PKN2: variants seen among roughly 807,000 people sequenced by gnomAD.
The protein encoded by PKN2 is protein kinase N2.
A neutral mutation model predicts 119.1 loss-of-function variants in PKN2; 38 were observed. The ratio of observed to expected loss-of-function variants is 0.32; its 90% CI spans 0.25 to 0.42. PKN2 has a LOEUF of 0.42. Among genes scored for constraint, PKN2 ranks in the 10% least tolerant of loss-of-function variants. The pLI is 1.00. For synonymous variants in PKN2, 390 were observed against 384.9 expected (o/e 1.01, Z -0.15); for missense variants, 850 against 1,165.1 (o/e 0.73, Z 3.94).
intron 2 of PKN2, among the ~76,000 whole-genome samples, chr1:88,750,679 A>T (rs568499684): frequency 1.3e-5 from 2 of 151,656 alleles, no homozygotes; most frequent in African/African-American, 4.8e-5. Context: ...CTAAAATTGA[A>T]CTCTTCTTTT....
chr1:88,707,105 TA>T (rs1302263669), intron 1 of PKN2, among the ~76,000 whole-genome samples: 8 of 152,048 alleles, frequency 5.3e-5, no homozygotes, highest in Non-Finnish European at 1.2e-4. Context: ...CTTTTTTTTT[TA>T]ATTAGGAAAT....
chr1:88,786,283 A>C (rs1407668399), intron 8 of PKN2, 70 bp downstream of exon 8: 4 of 757,150 alleles, frequency 5.3e-6, no homozygotes, highest in Non-Finnish European at 8.7e-6. Flanking sequence ...ATTTTTTAGA[A>C]GGCTTCAACA....
At chr1:88,800,389 A>G (rs1671256769) in intron 8 of PKN2, among the ~76,000 whole-genome samples, 1 of 152,210 alleles carries the variant, frequency 6.6e-6, no homozygotes, top group South Asian at 2.1e-4. Context: ...GTTGTACACT[A>G]TATAACTTCC....
chr1:88,834,152 C>T lies in PKN2; in HGVS notation c.*704C>T, dbSNP rs950723758. The stretch of plus-strand genomic sequence containing the variant: ...GTTTATTAAACAGTGCTGAAACAAA[C>T]AGGATCAGCATTTACTTAAGATGTT... On this transcript the variant is annotated 3_prime_UTR_variant, in exon 22 of 22. Transcript: ENST00000370521. 20 of 151,928 alleles carry T rather than the reference C, an allele frequency of 1.3e-4. No homozygotes were observed. Among genetic ancestry groups the T allele is most frequent in the African/African-American group, 4.8e-4 (20 of 41,406 alleles). The allele number at this position is 151,928 out of a possible 1,614,324, so 9.4% of individuals were successfully genotyped here. A position where few individuals can be genotyped will look rare whatever the true frequency, so the allele number is the denominator to read the frequency against.
At chr1:88,826,553 T>C (rs1672508393) in intron 18 of PKN2, among the ~76,000 whole-genome samples, 1 of 152,134 alleles carries the variant, frequency 6.6e-6, no homozygotes, top group Non-Finnish European at 1.5e-5. Flanking sequence ...ATTGTACCTA[T>C]TAAGTAATTT....
Position 88,832,756 on chromosome 1 carries a change from G to C in PKN2, c.2575G>C (p.Gly859Arg). ...GTATTTCTTCTAGTCTCCCTTTCCTGGTGATGATGAAGAGGAAGTTTTTGA... is the reference window on the plus strand; with the variant it reads ...GTATTTCTTCTAGTCTCCCTTTCCTCGTGATGATGAAGAGGAAGTTTTTGA... ...EMLVGESPFP[G>R]DDEEEVFDSI... The change falls in exon 20 of 22, where the codon GGT becomes CGT. Residue 859 changes from glycine to arginine, a missense_variant. Gly to Arg is a moderately radical substitution (Grantham distance 125). Transcript: ENST00000370521. The C allele has an allele frequency of 6.3e-7, 1 of 1,590,068 alleles. No homozygotes were observed. The highest frequency in any genetic ancestry group is 8.6e-7 in the Non-Finnish European group (1 of 1,163,510).
At chr1:88,788,744 C>T (rs1469217931) in intron 8 of PKN2, among the ~76,000 whole-genome samples, 1 of 152,072 alleles carries the variant, frequency 6.6e-6, no homozygotes, top group African/African-American at 2.4e-5. Context: ...CGTGCCTGGC[C>T]TAATCCAGGA....
At chr1:88,740,940 A>T in intron 1 of PKN2, 48 bp from the exon 2 acceptor site, 1 of 1,258,268 alleles carries the variant, frequency 7.9e-7, no homozygotes, top group Non-Finnish European at 1.1e-6. Context: ...TTTACTGAGC[A>T]GCCAACTCTC....
At chr1:88,720,143 C>T (rs2100703224) in intron 1 of PKN2, among the ~76,000 whole-genome samples, 1 of 152,204 alleles carries the variant, frequency 6.6e-6, no homozygotes, top group South Asian at 2.1e-4. Flanking sequence ...AGCTGATCCT[C>T]TCACCTCAGC....
intron 8 of PKN2, among the ~76,000 whole-genome samples, chr1:88,797,636 C>CAAAA (rs1162541843): frequency 4.1e-4 from 34 of 82,848 alleles, no homozygotes; most frequent in Non-Finnish European, 8.2e-4. Context: ...GACTCCGTCT[C>CAAAA]AAAAAAAAAA....
chr1:88,763,954 T>C (rs1669554172), intron 3 of PKN2, among the ~76,000 whole-genome samples: 1 of 152,218 alleles, frequency 6.6e-6, no homozygotes, highest in South Asian at 2.1e-4. Flanking sequence ...CCAACAGAAC[T>C]CTGCTTATTG....
intron 3 of PKN2, among the ~76,000 whole-genome samples, chr1:88,766,651 T>A (rs1401623783): frequency 6.6e-6 from 1 of 152,182 alleles, no homozygotes. Context: ...TAGTTCTACC[T>A]AAGGTATGTA....
chr1:88,760,777 G>GT lies in PKN2; in HGVS notation c.504+403dup, dbSNP rs371536193. On this transcript the variant is annotated intron_variant, in intron 3 of 21. Transcript: ENST00000370521. ...AGAATTTGGAAACATGTTTTTCTTT[G>GT]TTGTTGTTTTTTTTGTTTTTTTAGG... Among the ~76,000 whole-genome samples the GT allele has an allele frequency of 3.0e-3, 449 of 151,618 alleles. 4 individuals are homozygous for GT. Among genetic ancestry groups the GT allele is most frequent in the African/African-American group, 0.01 (427 of 41,372 alleles).
In PKN2 at chr1:88,784,695, C is replaced by A. The variant is rs770594472; in HGVS notation, c.1042C>A (p.Arg348=). ...CQDILENVPG[R]SKATSVALPG... The stretch of plus-strand genomic sequence containing the variant: ...AGATATCCTAGAGAATGTCCCTGGA[C>A]GGTCAAAAGCAACATCAGTTGCACT... The change falls in exon 7 of 22, where the codon CGG becomes AGG. Residue 348 remains arginine (R), a synonymous_variant. Transcript: ENST00000370521. 8.1e-6 allele frequency: 13 copies of A among 1,610,964 alleles called. No individual in the cohort carries two copies. The highest frequency in any genetic ancestry group is 4.2e-6 in the Non-Finnish European group (5 of 1,178,314).
chr1:88,741,417 T>C, intron 2 of PKN2, 129 bp downstream of exon 2: 1 of 565,224 alleles, frequency 1.8e-6, no homozygotes, highest in South Asian at 3.0e-5. Flanking sequence ...TTTTTCTCTT[T>C]TGGTTAAGGT....
intron 1 of PKN2, among the ~76,000 whole-genome samples, chr1:88,695,476 A>G (rs959751858): frequency 1.3e-5 from 2 of 152,046 alleles, no homozygotes. Flanking sequence ...AGTAAAGGTC[A>G]TCCTTGTCTT....
chr1:88,817,477 G>T (rs1273682358), intron 16 of PKN2, among the ~76,000 whole-genome samples: 1 of 151,340 alleles, frequency 6.6e-6, no homozygotes, highest in African/African-American at 2.4e-5. Context: ...GGAGGCCGAG[G>T]TGGTTGGAGC....
chr1:88,691,645 A>C (rs17130576), intron 1 of PKN2, among the ~76,000 whole-genome samples: 5 of 152,070 alleles, frequency 3.3e-5, no homozygotes, highest in Non-Finnish European at 7.4e-5. Flanking sequence ...GTTTTCCTCT[A>C]TTCTATCCGT....
At chr1:88,728,751 G>A (rs919064196) in intron 1 of PKN2, among the ~76,000 whole-genome samples, 3 of 152,096 alleles carry the variant, frequency 2.0e-5, no homozygotes, top group Admixed American at 6.5e-5. Flanking sequence ...GATAATCAAC[G>A]GGAGGAGGCT....
Sources: gnomAD v4.1 joint callset for allele counts (sites outside exome capture counted in the v4.1 genomes callset) on GRCh38, gnomAD v4.1.1 for gene constraint, MANE v1.5 for transcripts, NCBI Gene and HGNC (gene_info 2026-07-23, HGNC 2026-07-21) for gene names.